Variants in CRPPA observed in about 807,000 individuals in gnomAD.
CRPPA encodes the protein D-ribitol-5-phosphate cytidylyltransferase.
In CRPPA, 43 loss-of-function variants were observed where a neutral mutation model predicts 52.0. That is an observed-to-expected ratio of 0.83 (90% CI 0.65 to 1.07). CRPPA has a LOEUF of 1.07. Ranked by LOEUF, CRPPA falls within the 50% of genes least tolerant of loss-of-function variation. CRPPA has a pLI of 0.00. For synonymous variants in CRPPA, 250 were observed against 203.5 expected (o/e 1.23, Z -1.94); for missense variants, 629 against 551.7 (o/e 1.14, Z -1.40).
chr7:16,223,165 G>A (rs1241328370), intron 8 of CRPPA, among the ~76,000 whole-genome samples: 1 of 152,066 alleles, frequency 6.6e-6, no homozygotes, highest in Non-Finnish European at 1.5e-5. Flanking sequence ...GGTGGCATGC[G>A]CCTGTAACTC....
At chr7:16,325,467 C>G (rs1785361895) in intron 3 of CRPPA, among the ~76,000 whole-genome samples, 1 of 152,130 alleles carries the variant, frequency 6.6e-6, no homozygotes, top group Admixed American at 6.5e-5. Context: ...CTTGCAAACA[C>G]AAGAGCTACT....
chr7:16,207,532 A>AAAACAAAC (rs1260064033), intron 9 of CRPPA, among the ~76,000 whole-genome samples: 1 of 152,232 alleles, frequency 6.6e-6, no homozygotes, highest in South Asian at 2.1e-4. Context: ...GCATAAAGTG[A>AAAACAAAC]AAACAAACAA....
At chr7:16,233,239 C>G (rs1782855775) in intron 8 of CRPPA, among the ~76,000 whole-genome samples, 2 of 152,076 alleles carry the variant, frequency 1.3e-5, no homozygotes, top group South Asian at 4.1e-4. Context: ...TAAGAGTTGC[C>G]AGTAAGTTGG....
intron 8 of CRPPA, among the ~76,000 whole-genome samples, chr7:16,223,666 T>G (rs538033950): frequency 1.3e-5 from 2 of 152,314 alleles, no homozygotes; most frequent in Admixed American, 6.5e-5. Flanking sequence ...AAAAATTCAG[T>G]TGGTACAAAA....
chr7:16,213,426 C>G (rs1467285999), intron 9 of CRPPA, among the ~76,000 whole-genome samples: 1 of 151,898 alleles, frequency 6.6e-6, no homozygotes, highest in African/African-American at 2.4e-5. Context: ...TAATAATTCT[C>G]AACAATCTTT....
intron 2 of CRPPA, among the ~76,000 whole-genome samples, chr7:16,396,229 C>T (rs1403909923): frequency 6.6e-6 from 1 of 152,126 alleles, no homozygotes; most frequent in East Asian, 1.9e-4. Flanking sequence ...TAAAGCCTGA[C>T]CTGAAGTATA....
intron 9 of CRPPA, among the ~76,000 whole-genome samples, chr7:16,146,626 AATGCATGAGAAG>A (rs1234800884): frequency 6.6e-6 from 1 of 152,190 alleles, no homozygotes; most frequent in Non-Finnish European, 1.5e-5. Flanking sequence ...AATAACCTAA[AATGCATGAGAAG>A]ATGTATAAAA....
chr7:16,391,593 C>T (rs772171949), intron 2 of CRPPA, among the ~76,000 whole-genome samples: 1 of 152,140 alleles, frequency 6.6e-6, no homozygotes, highest in East Asian at 1.9e-4. Flanking sequence ...ACTTAAATAA[C>T]GCTAAAAAAT....
At chr7:16,216,859 G>A (rs1442887247) in intron 8 of CRPPA, among the ~76,000 whole-genome samples, 7 of 152,174 alleles carry the variant, frequency 4.6e-5, no homozygotes, top group South Asian at 2.1e-4. Flanking sequence ...CAGCGAGGCC[G>A]GGGGAGGGGC....
chr7:16,407,211 C>T (rs1787974816), intron 1 of CRPPA, among the ~76,000 whole-genome samples: 2 of 152,160 alleles, frequency 1.3e-5, no homozygotes, highest in Admixed American at 1.3e-4. Context: ...CTCCTGACCT[C>T]AGGTGACCCA....
rs770727231 is a variant in CRPPA, at chr7:16,276,408, G to A, written c.933+1721C>T. Among the ~76,000 whole-genome samples, 173 of 152,218 alleles carry A rather than the reference G, an allele frequency of 1.1e-3. 2 individuals are homozygous for A. Among genetic ancestry groups the A allele is most frequent in the Non-Finnish European group, 1.1e-3 (72 of 68,006 alleles). ...AGGAAAAGAATTATTTGAGCATCCA[G>A]GCAAATAGACTAAATCACTTATAAG... On this transcript the variant is annotated intron_variant, in intron 6 of 9. Coordinates refer to ENST00000407010, the MANE Select transcript of CRPPA (RefSeq NM_001101426.4).
At chr7:16,159,680 T>A (rs975045160) in intron 9 of CRPPA, among the ~76,000 whole-genome samples, 3 of 152,270 alleles carry the variant, frequency 2.0e-5, no homozygotes, top group African/African-American at 7.2e-5. Flanking sequence ...AGTATGCATG[T>A]GTCTTCATAG....
intron 6 of CRPPA, 57 bp downstream of exon 6, chr7:16,278,072 A>G (rs1036138581): frequency 3.6e-6 from 3 of 837,856 alleles, no homozygotes; most frequent in East Asian, 2.6e-5. Context: ...AGATATCTTT[A>G]TACTATAAAA....
intron 3 of CRPPA, among the ~76,000 whole-genome samples, chr7:16,354,724 G>A (rs913607473): frequency 4.6e-5 from 7 of 152,090 alleles, no homozygotes; most frequent in African/African-American, 1.7e-4. Flanking sequence ...TTCCAAGAAA[G>A]GAATTTAGTG....
intron 1 of CRPPA, among the ~76,000 whole-genome samples, chr7:16,412,777 GTT>G (rs1562691914): frequency 6.6e-6 from 1 of 152,158 alleles, no homozygotes; most frequent in Admixed American, 6.5e-5. Flanking sequence ...ATTCTGTCAA[GTT>G]CTCCTGAATA....
intron 2 of CRPPA, among the ~76,000 whole-genome samples, chr7:16,399,863 CAT>C (rs1255480711): frequency 1.3e-5 from 2 of 152,082 alleles, no homozygotes; most frequent in Admixed American, 1.3e-4. Flanking sequence ...CTGATTGACA[CAT>C]GACTAACACG....
intron 4 of CRPPA, among the ~76,000 whole-genome samples, chr7:16,304,569 A>G (rs1304127875): frequency 6.6e-6 from 1 of 152,164 alleles, no homozygotes; most frequent in Non-Finnish European, 1.5e-5. Flanking sequence ...TGAACCCAGG[A>G]GGCAGAGGTT....
At chr7:16,166,930 C>CT (rs34531146) in intron 9 of CRPPA, among the ~76,000 whole-genome samples, 57 of 140,012 alleles carry the variant, frequency 4.1e-4, no homozygotes, top group East Asian at 3.0e-3. Flanking sequence ...TTCCAACCTA[C>CT]TTTTTTTTTT....
intron 3 of CRPPA, among the ~76,000 whole-genome samples, chr7:16,366,858 A>G (rs1248240482): frequency 6.6e-6 from 1 of 152,086 alleles, no homozygotes; most frequent in African/African-American, 2.4e-5. Flanking sequence ...AGAGATAAAC[A>G]CTTTCCAAGT....
Sources: allele counts gnomAD v4.1 joint callset (sites outside exome capture counted in the v4.1 genomes callset), GRCh38; gene constraint gnomAD v4.1.1; transcripts MANE v1.5; gene names NCBI Gene and HGNC (gene_info 2026-07-23, HGNC 2026-07-21).